SBF2: variants seen among roughly 807,000 people sequenced by gnomAD.
SBF2 encodes the protein SET binding factor 2, also known as myotubularin-related protein 13.
Under a neutral mutation model 225.2 loss-of-function variants are expected in SBF2, and 112 were observed. The ratio of observed to expected loss-of-function variants is 0.50; its 90% CI spans 0.43 to 0.58. The LOEUF is 0.58. Among genes scored for constraint, SBF2 ranks in the 20% least tolerant of loss-of-function variants. SBF2 has a pLI of 0.00. For missense variants in SBF2, 1,996 were observed against 2,206.2 expected, an observed-to-expected ratio of 0.90 and a Z score of 1.91; for synonymous variants, 763 against 773.3, an observed-to-expected ratio of 0.99 and a Z score of 0.22.
intron 24 of SBF2, among the ~76,000 whole-genome samples, chr11:9,843,654 C>A (rs1302476463): frequency 6.6e-6 from 1 of 152,152 alleles, no homozygotes; most frequent in East Asian, 1.9e-4. Flanking sequence ...CTTTTATTAT[C>A]AAATAGTTTC....
intron 2 of SBF2, among the ~76,000 whole-genome samples, chr11:10,049,230 TA>T (rs1252144501): frequency 6.6e-6 from 1 of 152,340 alleles, no homozygotes; most frequent in African/African-American, 2.4e-5. Flanking sequence ...AAAAGATGGT[TA>T]TTTTTCATAA....
intron 6 of SBF2, among the ~76,000 whole-genome samples, chr11:10,014,505 TAAAAAAAAAAAAA>T (rs1181315538): frequency 2.0e-4 from 14 of 70,810 alleles, no homozygotes; most frequent in Non-Finnish European, 3.2e-4. Context: ...CCATTTCAAC[TAAAAAAAAAAAAA>T]AAAAAAAAAA....
chr11:10,011,311 C>CT (rs1171627699), intron 6 of SBF2, among the ~76,000 whole-genome samples: 4 of 152,200 alleles, frequency 2.6e-5, no homozygotes, highest in Non-Finnish European at 4.4e-5. Flanking sequence ...ACTGCAACCT[C>CT]TGCCTCCCAG....
chr11:9,989,698 T>C, intron 12 of SBF2, 103 bp from the exon 13 acceptor site: 1 of 702,600 alleles, frequency 1.4e-6, no homozygotes. Context: ...ATCCAACATA[T>C]ACATTATTTT....
intron 2 of SBF2, among the ~76,000 whole-genome samples, chr11:10,055,861 C>G (rs1950238699): frequency 6.6e-6 from 1 of 151,980 alleles, no homozygotes; most frequent in Non-Finnish European, 1.5e-5. Context: ...ATACTAAAAT[C>G]CCAGACTTTA....
At chr11:10,016,992 A>C (rs1391501291) in intron 6 of SBF2, 1 of 152,160 alleles carries the variant, frequency 6.6e-6, no homozygotes, top group Non-Finnish European at 1.5e-5. Context: ...GCACAATAAC[A>C]CGGGAGAAGA....
rs1467188557 is a variant in SBF2, at chr11:10,293,945, C to T, written c.55+70G>A. 1.8e-5 allele frequency: 21 copies of T among 1,170,316 alleles called. No individual in the cohort carries two copies. In the East Asian group the frequency reaches 3.3e-4, roughly 19 times the overall value. The allele number at this position is 1,170,316 out of a possible 1,614,324, so 72.5% of individuals were successfully genotyped here. A position where few individuals can be genotyped will look rare whatever the true frequency, so the allele number is the denominator to read the frequency against. The stretch of plus-strand genomic sequence containing the variant: ...CCGACGCCCGTCCCCGACGCCCGGC[C>T]CCGCGGAGCCCACTGGACAGCGGCC... On this transcript the variant is annotated intron_variant, in intron 1 of 39. Transcript: ENST00000256190.
intron 2 of SBF2, among the ~76,000 whole-genome samples, chr11:10,188,430 A>G (rs557433642): frequency 5.8e-4 from 89 of 152,226 alleles, no homozygotes; most frequent in African/African-American, 2.1e-3. Flanking sequence ...CTTCCTCAGG[A>G]AGTTCTCTTT....
intron 23 of SBF2, 117 bp downstream of exon 23, chr11:9,846,839 A>T: frequency 8.7e-7 from 1 of 1,148,036 alleles, no homozygotes; most frequent in Non-Finnish European, 1.3e-6. Flanking sequence ...AGACCCTATG[A>T]TCTTCCCCAT....
chr11:10,288,315 C>G (rs1963932694), intron 1 of SBF2, among the ~76,000 whole-genome samples: 1 of 152,144 alleles, frequency 6.6e-6, no homozygotes. Flanking sequence ...GGAGGGTGAG[C>G]AAGACAAAGA....
intron 16 of SBF2, among the ~76,000 whole-genome samples, chr11:9,911,001 G>T (rs1188238631): frequency 6.6e-6 from 1 of 151,274 alleles, no homozygotes; most frequent in Non-Finnish European, 1.5e-5. Context: ...AGAGGTTGCA[G>T]TGAGCTGAGA....
intron 1 of SBF2, among the ~76,000 whole-genome samples, chr11:10,199,306 G>A (rs1957492213): frequency 6.6e-6 from 1 of 152,030 alleles, no homozygotes; most frequent in Non-Finnish European, 1.5e-5. Context: ...CCTTTCATGG[G>A]TGTAGTCTGT....
intron 16 of SBF2, among the ~76,000 whole-genome samples, chr11:9,940,349 G>A (rs544657784): frequency 2.3e-4 from 35 of 152,204 alleles, no homozygotes; most frequent in African/African-American, 8.4e-4. Context: ...AGCTTGCAGT[G>A]AGCCAAGATC....
intron 2 of SBF2, among the ~76,000 whole-genome samples, chr11:10,173,318 C>T (rs530651079): frequency 4.1e-4 from 63 of 152,226 alleles, no homozygotes; most frequent in African/African-American, 1.3e-3. Flanking sequence ...GTGCGCAAGC[C>T]GAAGCAGGGC....
chr11:9,896,801 A>G (rs184340502), intron 16 of SBF2, among the ~76,000 whole-genome samples: 244 of 135,934 alleles, frequency 1.8e-3, no homozygotes, highest in South Asian at 6.0e-3. Flanking sequence ...AAAAAAAAAA[A>G]GGGGGGTGGG....
At chr11:10,245,913 A>G (rs995225904) in intron 1 of SBF2, among the ~76,000 whole-genome samples, 11 of 152,232 alleles carry the variant, frequency 7.2e-5, no homozygotes, top group Non-Finnish European at 1.3e-4. Flanking sequence ...TACCATTTAT[A>G]GGGGGAATCT....
intron 2 of SBF2, among the ~76,000 whole-genome samples, chr11:10,053,533 T>C (rs1461770423): frequency 6.6e-6 from 1 of 152,216 alleles, no homozygotes; most frequent in Non-Finnish European, 1.5e-5. Flanking sequence ...CTGAAGTCTG[T>C]GCCAAGCCAG....
intron 2 of SBF2, among the ~76,000 whole-genome samples, chr11:10,065,107 A>C (rs2134775010): frequency 6.6e-6 from 1 of 152,368 alleles, no homozygotes; most frequent in Admixed American, 6.5e-5. Context: ...ATTAGAAATG[A>C]AAAACAGAAA....
intron 36 of SBF2, among the ~76,000 whole-genome samples, chr11:9,787,130 G>A (rs372070502): frequency 6.6e-6 from 1 of 152,118 alleles, no homozygotes; most frequent in Non-Finnish European, 1.5e-5. Flanking sequence ...TCTTGACCTC[G>A]TGATCCGCCC....
Sources: allele counts gnomAD v4.1 joint callset (sites outside exome capture counted in the v4.1 genomes callset), GRCh38; gene constraint gnomAD v4.1.1; transcripts MANE v1.5; gene names NCBI Gene and HGNC (gene_info 2026-07-23, HGNC 2026-07-21).